PWWP3B: variants seen among roughly 807,000 people sequenced by gnomAD.
PWWP3B encodes the protein PWWP domain containing 3B.
A neutral mutation model predicts 15.7 loss-of-function variants in PWWP3B; 5 were observed. The ratio of observed to expected loss-of-function variants is 0.32; its 90% CI spans 0.17 to 0.67. The LOEUF is 0.67. PWWP3B is among the 30% of genes least tolerant of loss of function. The probability of loss-of-function intolerance (pLI) is 0.74; values close to 1 mark genes in which losing one functional copy is unlikely to be tolerated. For synonymous variants in PWWP3B, 203 were observed against 179.8 expected, an observed-to-expected ratio of 1.13 and a Z score of -1.03; for missense variants, 519 against 493.1, an observed-to-expected ratio of 1.05 and a Z score of -0.50.
intron 2 of PWWP3B, among the ~76,000 whole-genome samples, chrX:106,189,612 C>CT (rs1277003635): frequency 0.012 from 931 of 77,761 alleles, 15 homozygotes; most frequent in African/African-American, 0.028. Context: ...GCCACATTTT[C>CT]TTTTTTTTTT....
chrX:106,207,471 C>T lies in PWWP3B; in HGVS notation c.2039C>T (p.Ala680Val). The part of the protein sequence containing the change: ...LGYRERELFD[A>V]KIIYEKRRKA... ...TACAGGGAAAGAGAATTATTTGATG[C>T]AAAAATAATATATGAAAAGAGACGA... Residue 680 changes from alanine to valine, a missense_variant, in exon 4 of 4, where the codon GCA becomes GTA. Physicochemically the swap from Ala to Val is moderately conservative, Grantham distance 64. Coordinates refer to ENST00000357175, the MANE Select transcript of PWWP3B (RefSeq NM_001171020.2). 8.7e-7 allele frequency: 1 copy of T among 1,153,756 alleles called. No homozygotes were observed. Among genetic ancestry groups the T allele is most frequent in the Non-Finnish European group, 1.2e-6 (1 of 868,853 alleles).
intron 2 of PWWP3B, among the ~76,000 whole-genome samples, chrX:106,176,118 G>A (rs755318375): frequency 4.2e-4 from 47 of 110,833 alleles, no homozygotes; most frequent in Non-Finnish European, 8.5e-4. Flanking sequence ...TTTTGAGATG[G>A]AGTCTTATTC....
At chrX:106,177,537 C>T (rs1321106891) in intron 2 of PWWP3B, among the ~76,000 whole-genome samples, 1 of 112,506 alleles carries the variant, frequency 8.9e-6, no homozygotes, top group Non-Finnish European at 1.9e-5. Flanking sequence ...TTGTTTCGCC[C>T]GATATTTTTA....
chrX:106,189,723 T>A (rs1922778160), intron 2 of PWWP3B, among the ~76,000 whole-genome samples: 1 of 105,991 alleles, frequency 9.4e-6, no homozygotes, highest in African/African-American at 3.4e-5. Context: ...GTTCACGCCA[T>A]TCTCCTGCCT....
chrX:106,169,351 G>T (rs1921493865), intron 1 of PWWP3B, among the ~76,000 whole-genome samples: 1 of 111,975 alleles, frequency 8.9e-6, no homozygotes, highest in Non-Finnish European at 1.9e-5. Context: ...AAATAAAAAG[G>T]ATTAGACATC....
At chrX:106,187,090 G>GT (rs1410814142) in intron 2 of PWWP3B, among the ~76,000 whole-genome samples, 1 of 111,453 alleles carries the variant, frequency 9.0e-6, no homozygotes, top group Non-Finnish European at 1.9e-5. Flanking sequence ...TCCTGTCCTG[G>GT]TTTTTTTTCT....
intron 2 of PWWP3B, among the ~76,000 whole-genome samples, chrX:106,198,023 T>G (rs1221801115): frequency 8.9e-6 from 1 of 112,308 alleles, no homozygotes; most frequent in Non-Finnish European, 1.9e-5. Context: ...AAGGCATACT[T>G]GCAAAGACTT....
chrX:106,201,367 T>C (rs773207554), intron 2 of PWWP3B, among the ~76,000 whole-genome samples: 10 of 112,781 alleles, frequency 8.9e-5, no homozygotes, highest in Non-Finnish European at 1.3e-4. Flanking sequence ...TTTAATGGAC[T>C]TGACCAGCTG....
chrX:106,195,377 T>A (rs964007039), intron 2 of PWWP3B, among the ~76,000 whole-genome samples: 1 of 111,947 alleles, frequency 8.9e-6, no homozygotes, highest in Non-Finnish European at 1.9e-5. Flanking sequence ...TTTTTTATGG[T>A]CCATGCTTTT....
chrX:106,172,572 G>A (rs1218219405), intron 2 of PWWP3B, among the ~76,000 whole-genome samples: 1 of 109,805 alleles, frequency 9.1e-6, no homozygotes, highest in African/African-American at 3.3e-5. Flanking sequence ...TACACATCTC[G>A]TCCCACTGGA....
At chrX:106,199,672 T>C (rs1923586637) in intron 2 of PWWP3B, among the ~76,000 whole-genome samples, 2 of 111,170 alleles carry the variant, frequency 1.8e-5, no homozygotes, top group Admixed American at 1.9e-4. Context: ...AGATGCCTTC[T>C]CTAGAATCTT....
chrX:106,192,973 A>G (rs1401731010), intron 2 of PWWP3B, among the ~76,000 whole-genome samples: 14 of 111,277 alleles, frequency 1.3e-4, no homozygotes, highest in East Asian at 2.8e-4. Flanking sequence ...TATGTGGTCA[A>G]TTTTGGAGTG....
intron 2 of PWWP3B, among the ~76,000 whole-genome samples, chrX:106,185,285 G>A: frequency 9.0e-6 from 1 of 111,470 alleles, no homozygotes; most frequent in Non-Finnish European, 1.9e-5. Context: ...GTGTGAGCCT[G>A]TTGATACCTG....
At chrX:106,203,914 G>A (rs908079468) in intron 2 of PWWP3B, 71 bp from the exon 3 acceptor site, 1 of 112,317 alleles carries the variant, frequency 8.9e-6, no homozygotes, top group Admixed American at 9.4e-5. Context: ...GCCTGTTAAA[G>A]TTTAGGTAGG....
intron 2 of PWWP3B, among the ~76,000 whole-genome samples, chrX:106,192,918 A>C (rs1379184035): frequency 9.0e-6 from 1 of 110,794 alleles, no homozygotes; most frequent in Non-Finnish European, 1.9e-5. Flanking sequence ...AGTTTGTTAT[A>C]ATTTCTGTTC....
intron 2 of PWWP3B, among the ~76,000 whole-genome samples, chrX:106,189,339 C>T (rs1293270827): frequency 9.0e-6 from 1 of 110,714 alleles, no homozygotes; most frequent in East Asian, 2.8e-4. Context: ...ATTAACTCGT[C>T]ATTTAGCATT....
chrX:106,203,822 T>G (rs1923838203), intron 2 of PWWP3B, among the ~76,000 whole-genome samples, 163 bp from the exon 3 acceptor site: 2 of 112,232 alleles, frequency 1.8e-5, no homozygotes, highest in African/African-American at 6.5e-5. Context: ...GCATTTCAAA[T>G]TATAAAAATA....
chrX:106,191,285 G>A (rs1365281838), intron 2 of PWWP3B, among the ~76,000 whole-genome samples: 1 of 110,346 alleles, frequency 9.1e-6, no homozygotes, highest in Non-Finnish European at 1.9e-5. Context: ...GGATTCCTAG[G>A]TATTTTATTC....
intron 2 of PWWP3B, among the ~76,000 whole-genome samples, chrX:106,181,857 G>A (rs1922228336): frequency 9.0e-6 from 1 of 111,228 alleles, no homozygotes; most frequent in Non-Finnish European, 1.9e-5. Flanking sequence ...GATCCTAGAA[G>A]AAATAAATTT....
Sources: allele counts gnomAD v4.1 joint callset (sites outside exome capture counted in the v4.1 genomes callset), GRCh38; gene constraint gnomAD v4.1.1; transcripts MANE v1.5; gene names NCBI Gene and HGNC (gene_info 2026-07-23, HGNC 2026-07-21).